Variants in HDAC9 observed in about 807,000 individuals in gnomAD.
HDAC9 encodes MEF-2 interacting transcription repressor (MITR) protein.
A neutral mutation model predicts 139.4 loss-of-function variants in HDAC9; 41 were observed. The observed-to-expected ratio is 0.29, with a 90% CI of 0.23 to 0.38. HDAC9 has a LOEUF of 0.38. Among genes scored for constraint, HDAC9 ranks in the 10% least tolerant of loss-of-function variants. The pLI is 1.00. For synonymous variants in HDAC9, 517 were observed against 476.2 expected, an observed-to-expected ratio of 1.09 and a Z score of -1.12; for missense variants, 1,147 against 1,297.0, an observed-to-expected ratio of 0.88 and a Z score of 1.78.
chr7:18,465,807 A>G (rs1322206887), intron 1 of HDAC9, among the ~76,000 whole-genome samples: 1 of 152,118 alleles, frequency 6.6e-6, no homozygotes, highest in African/African-American at 2.4e-5. Flanking sequence ...ATCTTTTGTA[A>G]ATTTGTTAAA....
At chr7:18,872,096 A>G (rs934873037) in intron 21 of HDAC9, among the ~76,000 whole-genome samples, 1 of 152,136 alleles carries the variant, frequency 6.6e-6, no homozygotes, top group African/African-American at 2.4e-5. Context: ...CTCTGTTCTC[A>G]TCATACTTCA....
At chr7:18,654,372 G>C (rs1355821347) in intron 11 of HDAC9, among the ~76,000 whole-genome samples, 2 of 152,078 alleles carry the variant, frequency 1.3e-5, no homozygotes, top group East Asian at 3.9e-4. Context: ...AGATACCTTA[G>C]GGTAGGGTCA....
chr7:18,791,874 C>T lies in HDAC9; in HGVS notation c.2215-1471C>T, dbSNP rs573211617. On this transcript the variant is annotated intron_variant, in intron 16 of 25. Transcript: ENST00000686413. ...TTAGTCATTTAATCCTCACTAAAATCGTATGCAGATGGTACTTTAAAAAGT... is the reference window on the plus strand; with the variant it reads ...TTAGTCATTTAATCCTCACTAAAATTGTATGCAGATGGTACTTTAAAAAGT... Among the ~76,000 whole-genome samples the T allele has an allele frequency of 8.9e-4, 135 of 152,212 alleles. 3 individuals are homozygous for T. In the South Asian group the frequency reaches 0.026, roughly 29 times the overall value.
At chr7:18,746,151 G>A (rs566658962) in intron 13 of HDAC9, among the ~76,000 whole-genome samples, 2 of 152,158 alleles carry the variant, frequency 1.3e-5, no homozygotes, top group South Asian at 2.1e-4. Context: ...GCTTACAGGT[G>A]TAAGGCACCG....
chr7:18,391,054 A>C (rs757920490), intron 1 of HDAC9, among the ~76,000 whole-genome samples: 8 of 151,978 alleles, frequency 5.3e-5, no homozygotes, highest in African/African-American at 7.3e-5. Context: ...GTGCCATTGC[A>C]CTCCAGCCTG....
intron 2 of HDAC9, among the ~76,000 whole-genome samples, chr7:18,201,965 A>C (rs1791163563): frequency 6.6e-6 from 1 of 152,232 alleles, no homozygotes; most frequent in African/African-American, 2.4e-5. Context: ...CAGTAATGGA[A>C]GATGAATAAT....
At chr7:18,580,401 T>C (rs1368293346) in intron 2 of HDAC9, among the ~76,000 whole-genome samples, 5 of 152,160 alleles carry the variant, frequency 3.3e-5, no homozygotes, top group Non-Finnish European at 7.4e-5. Flanking sequence ...TTAAGACTAG[T>C]TAATATTTAT....
intron 25 of HDAC9, among the ~76,000 whole-genome samples, chr7:18,990,972 A>T (rs949414454): frequency 1.3e-5 from 2 of 152,192 alleles, no homozygotes; most frequent in Admixed American, 6.5e-5. Context: ...TGAACCCGGT[A>T]CCTCAGATGG....
At chr7:18,595,007 A>T (rs1437621582) in intron 6 of HDAC9, among the ~76,000 whole-genome samples, 1 of 152,082 alleles carries the variant, frequency 6.6e-6, no homozygotes, top group East Asian at 1.9e-4. Context: ...TTCCCAAGCA[A>T]TTTTGAGAAA....
intron 1 of HDAC9, among the ~76,000 whole-genome samples, chr7:18,447,677 G>A (rs1406331980): frequency 6.6e-6 from 1 of 152,080 alleles, no homozygotes; most frequent in Non-Finnish European, 1.5e-5. Context: ...TATTATCCAG[G>A]CTGAATATTG....
At chr7:18,321,789 A>G (rs1800050056) in intron 1 of HDAC9, among the ~76,000 whole-genome samples, 1 of 152,192 alleles carries the variant, frequency 6.6e-6, no homozygotes, top group South Asian at 2.1e-4. Context: ...GGTGCACAAT[A>G]GAACCATATA....
chr7:18,348,855 G>C (rs1347095443), intron 1 of HDAC9, among the ~76,000 whole-genome samples: 1 of 152,108 alleles, frequency 6.6e-6, no homozygotes. Context: ...GATGCTGCTT[G>C]TATTATTTAA....
chr7:18,647,762 A>G (rs772282789), intron 9 of HDAC9, 23 bp from the exon 10 acceptor site: 6 of 1,576,818 alleles, frequency 3.8e-6, no homozygotes, highest in African/African-American at 1.4e-5. Flanking sequence ...GAGGATTAAC[A>G]TCTTTGTTAT....
intron 12 of HDAC9, chr7:18,667,228 T>C: frequency 1.0e-6 from 1 of 985,310 alleles, no homozygotes; most frequent in Non-Finnish European, 1.2e-6. Context: ...AAAGAGCAAA[T>C]GAAGCAGATG....
In HDAC9 at chr7:18,909,699, C is replaced by T. The variant is rs541483840; in HGVS notation, c.2804-26110C>T. On this transcript the variant is annotated intron_variant, in intron 22 of 25. Coordinates refer to ENST00000686413, the MANE Select transcript of HDAC9 (RefSeq NM_178425.4). ...GCAGGTTCATTGCATGGATATATTG[C>T]ATGATGCGGAGACTGTCCCTTCCCC... 1.2e-4 allele frequency among the ~76,000 whole-genome samples: 18 copies of T among 151,998 alleles called. No individual in the cohort carries two copies. The South Asian group carries it at 3.1e-3, about 26-fold the overall frequency.
chr7:18,423,404 T>G, intron 1 of HDAC9, among the ~76,000 whole-genome samples: 1 of 152,332 alleles, frequency 6.6e-6, no homozygotes, highest in East Asian at 1.9e-4. Context: ...GTATTAGAAA[T>G]ACCATCAAGA....
intron 12 of HDAC9, among the ~76,000 whole-genome samples, chr7:18,676,140 T>C (rs1450367227): frequency 6.6e-6 from 1 of 152,010 alleles, no homozygotes; most frequent in African/African-American, 2.4e-5. Context: ...ACTCAGAAAA[T>C]TGGCATTGTC....
At chr7:18,607,998 T>A (rs1835996074) in intron 6 of HDAC9, among the ~76,000 whole-genome samples, 1 of 151,990 alleles carries the variant, frequency 6.6e-6, no homozygotes, top group African/African-American at 2.4e-5. Flanking sequence ...TGGCAAAAAA[T>A]AATAATTAAG....
intron 22 of HDAC9, among the ~76,000 whole-genome samples, chr7:18,919,938 C>T (rs570190843): frequency 2.4e-4 from 37 of 152,170 alleles, no homozygotes; most frequent in African/African-American, 8.7e-4. Flanking sequence ...CATGATGCCT[C>T]CAGCTTTGTT....
Sources: gnomAD v4.1 joint callset for allele counts (sites outside exome capture counted in the v4.1 genomes callset) on GRCh38, gnomAD v4.1.1 for gene constraint, MANE v1.5 for transcripts, NCBI Gene and HGNC (gene_info 2026-07-23, HGNC 2026-07-21) for gene names.